Variants in SV2B observed in about 807,000 individuals in gnomAD.
The protein encoded by SV2B is solute carrier family 22 member B2.
Under a neutral mutation model 73.9 loss-of-function variants are expected in SV2B, and 41 were observed. The observed-to-expected ratio is 0.56, with a 90% CI of 0.43 to 0.72. The LOEUF (loss-of-function observed/expected upper bound fraction) is 0.72. Among genes scored for constraint, SV2B ranks in the 30% least tolerant of loss-of-function variants. The pLI is 0.00. For missense variants in SV2B, 764 were observed against 857.8 expected, an observed-to-expected ratio of 0.89 and a Z score of 1.37; for synonymous variants, 314 against 314.2, an observed-to-expected ratio of 1.00 and a Z score of 0.01.
rs113326835 is a variant in SV2B, at chr15:91,103,645, A to G, written c.-392+3282A>G. On this transcript the variant is annotated intron_variant, in intron 1 of 12. Coordinates refer to ENST00000394232, the MANE Select transcript of SV2B (RefSeq NM_001323032.3). Reference sequence around the variant, plus strand: ...TGGGCATTTGAGAGCCTCATCACTCAGCTGTCCTTGGTGCAGAAGGGCTAC... The same window carrying G: ...TGGGCATTTGAGAGCCTCATCACTCGGCTGTCCTTGGTGCAGAAGGGCTAC... Among the ~76,000 whole-genome samples the G allele has an allele frequency of 3.9e-3, 588 of 152,330 alleles. 1 individual carries two copies. The highest frequency in any genetic ancestry group is 6.8e-3 in the South Asian group (33 of 4,826).
At position 91,121,677 on chromosome 15, in the gene SV2B, C is replaced by T. The variant is rs936971127; in HGVS notation, c.-392+21314C>T. Among the ~76,000 whole-genome samples, 11 of 152,232 alleles carry T rather than the reference C, an allele frequency of 7.2e-5. No individual in the cohort carries two copies. Among genetic ancestry groups the T allele is most frequent in the Admixed American group, 2.6e-4 (4 of 15,296 alleles). ...AGATCTGAACACCAGCTCTCTTGAA[C>T]CACATGGGTGCTTATCTTGCCCAGG... On this transcript the variant is annotated intron_variant, in intron 1 of 12. Transcript: ENST00000394232. This position sits in a 1 kb window ranked among gnomAD's most constrained non-coding sequence, Gnocchi z 4.4.
intron 9 of SV2B, among the ~76,000 whole-genome samples, chr15:91,274,094 A>T (rs1261432142): frequency 1.3e-5 from 2 of 152,230 alleles, no homozygotes; most frequent in Admixed American, 1.3e-4. Flanking sequence ...ATATTTCATA[A>T]TGTATCCATC....
Position 91,283,915 on chromosome 15 carries a change from TG to T in SV2B, c.1508-104del. ...TTGAGGCTGTCTGACTGGCAAAGGC[TG>T]GCACAGCCTGCCTACAGGAGGGGGC... On this transcript the variant is annotated intron_variant, in intron 10 of 12. Transcript: ENST00000394232. The surrounding 1 kb of genome is among the most constrained non-coding windows in gnomAD (Gnocchi z 4.3). 2 of 1,195,928 alleles carry T rather than the reference TG, an allele frequency of 1.7e-6. No individual in the cohort carries two copies. Among genetic ancestry groups the T allele is most frequent in the Non-Finnish European group, 2.4e-6 (2 of 821,950 alleles). 74.1% of individuals were successfully genotyped at this position (1,195,928 alleles called of 1,614,324 possible).
rs974207463 is a variant in SV2B at position 91,239,961 on chromosome 15, A to G, written c.452-11858A>G. 6.6e-6 allele frequency among the ~76,000 whole-genome samples: 1 copy of G among 152,196 alleles called. No homozygotes were observed. Among genetic ancestry groups the G allele is most frequent in the Non-Finnish European group, 1.5e-5 (1 of 68,036 alleles). On this transcript the variant is annotated intron_variant, in intron 2 of 12. Transcript: ENST00000394232. This position sits in a 1 kb window ranked among gnomAD's most constrained non-coding sequence, Gnocchi z 5.1. ...CCACCAAGTCTTATGGCTTGCCTGG[A>G]TTAATCACTGGCAAGAAGAATTGGA...
chr15:91,273,071 G>T (rs2048370475), intron 9 of SV2B, among the ~76,000 whole-genome samples: 1 of 152,056 alleles, frequency 6.6e-6, no homozygotes, highest in African/African-American at 2.4e-5. Flanking sequence ...GACCTCAAGT[G>T]ATCCGCCCCC....
At chr15:91,243,163 T>A (rs1247658697) in intron 2 of SV2B, among the ~76,000 whole-genome samples, 1 of 152,120 alleles carries the variant, frequency 6.6e-6, no homozygotes, top group Non-Finnish European at 1.5e-5. Context: ...CACAACTTGG[T>A]CTTAAGTGAA....
chr15:91,142,575 AAAAC>A (rs756035263), intron 1 of SV2B, among the ~76,000 whole-genome samples: 32 of 152,354 alleles, frequency 2.1e-4, no homozygotes, highest in Non-Finnish European at 3.5e-4. Context: ...TCATAGAAGA[AAAAC>A]AAACAGAAGG....
intron 4 of SV2B, among the ~76,000 whole-genome samples, chr15:91,257,642 C>T (rs553767378): frequency 1.2e-4 from 19 of 152,288 alleles, no homozygotes; most frequent in Non-Finnish European, 2.4e-4. Flanking sequence ...GAACCCTTTG[C>T]GCTGGAATCA....
chr15:91,187,160 A>T (rs1490477923), intron 1 of SV2B, among the ~76,000 whole-genome samples: 4 of 152,222 alleles, frequency 2.6e-5, no homozygotes, highest in Non-Finnish European at 5.9e-5. Context: ...ATTTAAAAAA[A>T]GTTTATTGGC....
rs1236001175 is a variant in SV2B, at chr15:91,209,682, C to T, written c.-391-16191C>T. ...AGACCTGGGTTTGAATCTAGCTCTG[C>T]CTCTCTCCAGGGGTATGACGTTGGG... On this transcript the variant is annotated intron_variant, in intron 1 of 12. Transcript: ENST00000394232. Among the ~76,000 whole-genome samples, 34 of 152,166 alleles carry T rather than the reference C, an allele frequency of 2.2e-4. 2 individuals carry two copies. Among genetic ancestry groups the T allele is most frequent in the Admixed American group, 2.2e-3 (34 of 15,274 alleles).
At chr15:91,216,202 C>T (rs937879664) in intron 1 of SV2B, among the ~76,000 whole-genome samples, 18 of 152,148 alleles carry the variant, frequency 1.2e-4, no homozygotes, top group African/African-American at 4.1e-4. Flanking sequence ...ATTTTCAGCC[C>T]ACGGGTTGAT....
In SV2B at chr15:91,280,098, C is replaced by T. The variant is rs1212736833; in HGVS notation, c.1374-1630C>T. Among the ~76,000 whole-genome samples the T allele has an allele frequency of 1.3e-5, 2 of 152,148 alleles. No individual in the cohort carries two copies. The highest frequency in any genetic ancestry group is 2.4e-5 in the African/African-American group (1 of 41,428). On this transcript the variant is annotated intron_variant, in intron 9 of 12. Coordinates refer to ENST00000394232, the MANE Select transcript of SV2B (RefSeq NM_001323032.3). The surrounding 1 kb of genome is among the most constrained non-coding windows in gnomAD (Gnocchi z 5.8). ...AGGAAATGACATCTTTAATAATAAC[C>T]TCAAGTTTATTCTGATGCAAGTGGT...
intron 1 of SV2B, among the ~76,000 whole-genome samples, chr15:91,188,349 T>C (rs1284197392): frequency 6.6e-6 from 1 of 151,996 alleles, no homozygotes; most frequent in Non-Finnish European, 1.5e-5. Context: ...AGTCTTGCTC[T>C]GTTGCCCAGG....
chr15:91,177,553 C>A (rs1408089968), intron 1 of SV2B, among the ~76,000 whole-genome samples: 1 of 148,460 alleles, frequency 6.7e-6, no homozygotes, highest in African/African-American at 2.6e-5. Flanking sequence ...TTCTTTGTAT[C>A]CTCTTTTATT....
chr15:91,141,765 G>T lies in SV2B; in HGVS notation c.-392+41402G>T, dbSNP rs559118407. On this transcript the variant is annotated intron_variant, in intron 1 of 12. Transcript: ENST00000394232. This position sits in a 1 kb window ranked among gnomAD's most constrained non-coding sequence, Gnocchi z 4.6. ...GTTTTGTTTTTTTTTTTGGACAGAG[G>T]TCACATTTTGGCAACATCTTTTTCT... Among the ~76,000 whole-genome samples the T allele has an allele frequency of 6.6e-6, 1 of 151,604 alleles. No homozygotes were observed. The highest frequency in any genetic ancestry group is 6.6e-5 in the Admixed American group (1 of 15,248).
chr15:91,272,488 G>A (rs2141711784), intron 9 of SV2B, among the ~76,000 whole-genome samples: 1 of 152,194 alleles, frequency 6.6e-6, no homozygotes, highest in East Asian at 1.9e-4. Flanking sequence ...CGTGACCCAG[G>A]AAGTAATGTC....
chr15:91,222,927 G>C (rs922011213), intron 1 of SV2B, among the ~76,000 whole-genome samples: 6 of 152,132 alleles, frequency 3.9e-5, no homozygotes, highest in Admixed American at 1.3e-4. Flanking sequence ...TAAACACTAG[G>C]CTTGTTGAAT....
rs1345425180 is a variant in SV2B, at chr15:91,261,381, A to C, written c.1008+972A>C. Among the ~76,000 whole-genome samples the C allele has an allele frequency of 6.6e-6, 1 of 152,194 alleles. No individual in the cohort carries two copies. The highest frequency in any genetic ancestry group is 1.5e-5 in the Non-Finnish European group (1 of 68,034). ...ATTATTGTTTTATATGCTGTCTCCT[A>C]GTATTCATAATCATCATTTTAATAA... On this transcript the variant is annotated intron_variant, in intron 6 of 12. Coordinates refer to ENST00000394232, the MANE Select transcript of SV2B (RefSeq NM_001323032.3). The surrounding 1 kb of genome is among the most constrained non-coding windows in gnomAD (Gnocchi z 4.7).
rs1167362594 is a variant in SV2B, at chr15:91,106,741, T to G, written c.-392+6378T>G. Among the ~76,000 whole-genome samples the G allele has an allele frequency of 6.6e-6, 1 of 152,218 alleles. No homozygotes were observed. Among genetic ancestry groups the G allele is most frequent in the Non-Finnish European group, 1.5e-5 (1 of 68,036 alleles). On this transcript the variant is annotated intron_variant, in intron 1 of 12. Transcript: ENST00000394232. The surrounding 1 kb of genome is among the most constrained non-coding windows in gnomAD (Gnocchi z 4.4). ...CAGGGGTGTGATGTTCTTGGGTTAT[T>G]ATTGTACTGCTCTTAATTTAAGATG...
Sources: allele counts gnomAD v4.1 joint callset (sites outside exome capture counted in the v4.1 genomes callset), GRCh38; gene constraint gnomAD v4.1.1; non-coding constraint Gnocchi (gnomAD v3.1); transcripts MANE v1.5; gene names NCBI Gene and HGNC (gene_info 2026-07-23, HGNC 2026-07-21).